Variants in TNFRSF13B observed in about 807,000 individuals in gnomAD.
TNFRSF13B encodes the protein tumor necrosis factor receptor superfamily member 13B.
In TNFRSF13B, 34 loss-of-function variants were observed where a neutral mutation model predicts 24.0. The ratio of observed to expected loss-of-function variants is 1.41; its 90% CI spans 1.08 to 1.88. The LOEUF is 1.88. Ranked by LOEUF, TNFRSF13B falls within the 40% of genes most tolerant of loss-of-function variation. TNFRSF13B has a pLI of 0.00. For missense variants in TNFRSF13B, 415 were observed against 380.8 expected, an observed-to-expected ratio of 1.09 and a Z score of -0.75; for synonymous variants, 173 against 150.3, an observed-to-expected ratio of 1.15 and a Z score of -1.10.
At chr17:16,945,966 C>G (rs900250770) in intron 3 of TNFRSF13B, among the ~76,000 whole-genome samples, 1 of 152,204 alleles carries the variant, frequency 6.6e-6, no homozygotes, top group Non-Finnish European at 1.5e-5. Flanking sequence ...ACTCCTGTAT[C>G]GTCATGAGAT....
intron 4 of TNFRSF13B, 74 bp from the exon 5 acceptor site, chr17:16,939,871 C>A: frequency 6.7e-7 from 1 of 1,496,230 alleles, no homozygotes; most frequent in East Asian, 2.4e-5. Flanking sequence ...TGTGGGCAGC[C>A]GCACTCTCCC....
At chr17:16,958,607 G>A (rs1452840818) in intron 1 of TNFRSF13B, among the ~76,000 whole-genome samples, 1 of 151,924 alleles carries the variant, frequency 6.6e-6, no homozygotes, top group Non-Finnish European at 1.5e-5. Flanking sequence ...GAAGTTGAAA[G>A]TAAAAGAATG....
Position 16,939,519 on chromosome 17 carries a change from C to T in TNFRSF13B, c.*28G>A. On this transcript the variant is annotated 3_prime_UTR_variant, in exon 5 of 5. Transcript: ENST00000261652. ...CTCTCCCCTCCTCTCCATCTCTCTC[C>T]CTCCTCCTTTCCCTCCCTGACCCCC... The T allele has an allele frequency of 1.2e-6, 2 of 1,607,878 alleles. No individual in the cohort carries two copies. Among genetic ancestry groups the T allele is most frequent in the Non-Finnish European group, 1.7e-6 (2 of 1,176,702 alleles).
intron 3 of TNFRSF13B, among the ~76,000 whole-genome samples, chr17:16,946,516 C>T (rs1332577862): frequency 6.6e-6 from 1 of 152,018 alleles, no homozygotes; most frequent in Non-Finnish European, 1.5e-5. Flanking sequence ...CCAAAGTGGC[C>T]ATCTCCAGCC....
At chr17:16,957,835 C>T (rs1260581231) in intron 1 of TNFRSF13B, among the ~76,000 whole-genome samples, 7 of 152,118 alleles carry the variant, frequency 4.6e-5, no homozygotes, top group Admixed American at 4.6e-4. Context: ...AGTAAACTTG[C>T]CCTACAAGAA....
At chr17:16,947,235 TA>T (rs1327003400) in intron 3 of TNFRSF13B, among the ~76,000 whole-genome samples, 1 of 152,180 alleles carries the variant, frequency 6.6e-6, no homozygotes, top group Non-Finnish European at 1.5e-5. Context: ...TGTAAGACCC[TA>T]AACTATAAGA....
rs374957601 is a variant in TNFRSF13B at position 16,939,591 on chromosome 17, C to G, written c.838G>C (p.Gly280Arg). The G allele has an allele frequency of 4.3e-5, 69 of 1,613,452 alleles. No homozygotes were observed. Among genetic ancestry groups the G allele is most frequent in the Non-Finnish European group, 5.5e-5 (65 of 1,179,772 alleles). ...TCCTGGGCAGGCACACACACAATGC[C>G]AAGGCCACTGTCTGGGATGTGTGGG... The part of the protein sequence containing the change: ...PCPHIPDSGL[G>R]IVCVPAQEGG... Residue 280 changes from glycine (G) to arginine (R), a missense_variant, in exon 5 of 5, where the codon GGC (glycine) becomes CGC (arginine). Transcript: ENST00000261652.
At chr17:16,943,921 G>A (rs528913635) in intron 3 of TNFRSF13B, among the ~76,000 whole-genome samples, 5 of 152,256 alleles carry the variant, frequency 3.3e-5, no homozygotes, top group Non-Finnish European at 7.4e-5. Flanking sequence ...GAAGCTCCTC[G>A]CGTCGGCCTG....
intron 4 of TNFRSF13B, 114 bp from the exon 5 acceptor site, chr17:16,939,911 C>G: frequency 7.3e-7 from 1 of 1,374,872 alleles, no homozygotes; most frequent in South Asian, 1.5e-5. Context: ...CAATCACCAG[C>G]GTAGAACGCC....
intron 3 of TNFRSF13B, chr17:16,941,181 T>C: frequency 2.1e-5 from 20 of 973,570 alleles, no homozygotes; most frequent in Non-Finnish European, 2.3e-5. Flanking sequence ...CTATCCCCTA[T>C]CTTTTCTGAG....
intron 1 of TNFRSF13B, among the ~76,000 whole-genome samples, chr17:16,956,101 T>A (rs34650767): frequency 0.036 from 5,554 of 152,334 alleles, 128 homozygotes; most frequent in South Asian, 0.11. Flanking sequence ...AAGGAAATCT[T>A]TGTTGGGTCA....
At chr17:16,971,778 G>A (rs1382038559) in intron 1 of TNFRSF13B, among the ~76,000 whole-genome samples, 3 of 152,286 alleles carry the variant, frequency 2.0e-5, no homozygotes, top group African/African-American at 7.2e-5. Context: ...AATTCCTGCC[G>A]GTGTGGCCAA....
intron 1 of TNFRSF13B, among the ~76,000 whole-genome samples, chr17:16,958,826 A>G (rs1015304340): frequency 2.0e-4 from 30 of 152,150 alleles, no homozygotes; most frequent in African/African-American, 7.2e-4. Flanking sequence ...ACAAAAATTG[A>G]CAGAGTTGAA....
intron 1 of TNFRSF13B, among the ~76,000 whole-genome samples, chr17:16,957,642 G>A (rs1422893690): frequency 1.3e-5 from 2 of 152,184 alleles, no homozygotes; most frequent in Non-Finnish European, 2.9e-5. Context: ...CATCAATACG[G>A]TAACAGCTGA....
intron 1 of TNFRSF13B, among the ~76,000 whole-genome samples, chr17:16,953,802 T>C (rs2087606625): frequency 6.6e-6 from 1 of 152,170 alleles, no homozygotes; most frequent in African/African-American, 2.4e-5. Flanking sequence ...GGAGTCTTTC[T>C]CTGTTGCCCA....
At chr17:16,953,810 C>T (rs565881364) in intron 1 of TNFRSF13B, among the ~76,000 whole-genome samples, 5 of 152,194 alleles carry the variant, frequency 3.3e-5, no homozygotes, top group African/African-American at 1.2e-4. Context: ...TCTCTGTTGC[C>T]CAGGCTGGAG....
At chr17:16,966,857 G>C (rs1260187255) in intron 1 of TNFRSF13B, among the ~76,000 whole-genome samples, 4 of 56,512 alleles carry the variant, frequency 7.1e-5, no homozygotes, top group South Asian at 6.3e-4. Context: ...TTTTTTTTTT[G>C]AGATGGAGTC....
intron 2 of TNFRSF13B, among the ~76,000 whole-genome samples, chr17:16,951,076 G>A (rs1191411897): frequency 4.6e-5 from 7 of 152,200 alleles, no homozygotes; most frequent in Non-Finnish European, 7.3e-5. Flanking sequence ...TATGTTTGTG[G>A]GATGAACCAA....
intron 3 of TNFRSF13B, among the ~76,000 whole-genome samples, chr17:16,943,901 G>C (rs116325516): frequency 0.013 from 2,012 of 152,330 alleles, 46 homozygotes; most frequent in African/African-American, 0.045. Flanking sequence ...CTGCCCCGGA[G>C]CCCGGGCAGG....
Sources: gnomAD v4.1 joint callset for allele counts (sites outside exome capture counted in the v4.1 genomes callset) on GRCh38, gnomAD v4.1.1 for gene constraint, MANE v1.5 for transcripts, NCBI Gene and HGNC (gene_info 2026-07-23, HGNC 2026-07-21) for gene names.